The following FGD6 variants were observed in gnomAD, a reference collection of about 807,000 sequenced individuals.
FGD6 encodes FYVE, RhoGEF and PH domain containing 6, also known as FYVE, RhoGEF and PH domain-containing protein 6.
A neutral mutation model predicts 149.4 loss-of-function variants in FGD6; 90 were observed. That is an observed-to-expected ratio of 0.60 (90% CI 0.51 to 0.72). FGD6 has a LOEUF of 0.72. Ranked by LOEUF, FGD6 falls within the 30% of genes least tolerant of loss-of-function variation. FGD6 has a pLI of 0.00. For missense variants in FGD6, 1,437 were observed against 1,684.8 expected, an observed-to-expected ratio of 0.85 and a Z score of 2.57; for synonymous variants, 527 against 584.0, an observed-to-expected ratio of 0.90 and a Z score of 1.41.
chr12:95,209,672 T>A lies in FGD6; in HGVS notation c.1612A>T (p.Arg538Ter). 9 of 1,613,448 alleles carry A rather than the reference T, an allele frequency of 5.6e-6. No individual in the cohort carries two copies. The highest frequency in any genetic ancestry group is 5.9e-6 in the Non-Finnish European group (7 of 1,179,910). ...EEKSSEKSLERNHLQHLCAQN... is the reference protein window; with the variant it reads ...EEKSSEKSLE Reference sequence around the variant, plus strand: ...GCACACAAATGCTGAAGGTGATTTCTTTCTAGACTCTTCTCTGAACTTTTT... The same window carrying A: ...GCACACAAATGCTGAAGGTGATTTCATTCTAGACTCTTCTCTGAACTTTTT... The change falls in exon 2 of 21, where the codon AGA becomes TGA. Residue 538 changes from arginine (R) to a stop codon, truncating the protein, a stop_gained. Transcript: ENST00000343958. LOFTEE classifies it high-confidence loss of function.
In FGD6 at chr12:95,153,003, A is replaced by C. The variant is rs1428615996; in HGVS notation, c.2587-10T>G. The C allele has an allele frequency of 1.9e-6, 3 of 1,612,320 alleles. No homozygotes were observed. Among genetic ancestry groups the C allele is most frequent in the Non-Finnish European group, 2.5e-6 (3 of 1,178,706 alleles). On this transcript the variant is annotated splice_polypyrimidine_tract_variant and intron_variant, in intron 3 of 20. Coordinates refer to ENST00000343958, the MANE Select transcript of FGD6 (RefSeq NM_018351.4). ...TTCCATTATCTTCATCCTGTGGATA[A>C]GAGCACATTTAACATGAACTCATAA...
intron 1 of FGD6, among the ~76,000 whole-genome samples, chr12:95,211,801 G>C (rs1290944854): frequency 6.6e-6 from 1 of 152,138 alleles, no homozygotes; most frequent in Non-Finnish European, 1.5e-5. Context: ...GCCTCCCAAA[G>C]TGCTGGGATT....
At chr12:95,082,670 AAAAG>A (rs1453144172) in intron 20 of FGD6, among the ~76,000 whole-genome samples, 3 of 150,986 alleles carry the variant, frequency 2.0e-5, no homozygotes, top group East Asian at 1.9e-4. Flanking sequence ...AAAAAAAAAA[AAAAG>A]AGCTTCTCAA....
At chr12:95,203,600 C>T (rs2056674497) in intron 2 of FGD6, among the ~76,000 whole-genome samples, 1 of 152,192 alleles carries the variant, frequency 6.6e-6, no homozygotes, top group Non-Finnish European at 1.5e-5. Context: ...ATTTCTGTCA[C>T]CTCAATGGGC....
intron 3 of FGD6, among the ~76,000 whole-genome samples, chr12:95,171,163 A>G (rs1350922335): frequency 1.3e-5 from 2 of 152,164 alleles, no homozygotes; most frequent in Non-Finnish European, 2.9e-5. Context: ...AATTGGCCCA[A>G]AGTTGACCAG....
chr12:95,196,812 A>T (rs1321937577), intron 2 of FGD6, among the ~76,000 whole-genome samples: 2 of 149,064 alleles, frequency 1.3e-5, no homozygotes, highest in Non-Finnish European at 3.0e-5. Flanking sequence ...GCTAATTTTT[A>T]AATTTTTTGT....
intron 8 of FGD6, among the ~76,000 whole-genome samples, chr12:95,116,124 C>T (rs1202946748): frequency 6.6e-6 from 1 of 152,174 alleles, no homozygotes; most frequent in Non-Finnish European, 1.5e-5. Flanking sequence ...TTACACTTAG[C>T]CCCATCTGGA....
intron 2 of FGD6, among the ~76,000 whole-genome samples, chr12:95,177,850 T>C (rs772871968): frequency 2.0e-5 from 3 of 152,188 alleles, no homozygotes; most frequent in Non-Finnish European, 4.4e-5. Context: ...AGTTCCCTTA[T>C]AGGACTGCAG....
rs146288583 is a variant in FGD6 at position 95,098,290 on chromosome 12, C to T, written c.3498-3596G>A. Among the ~76,000 whole-genome samples, 14 of 152,254 alleles carry T rather than the reference C, an allele frequency of 9.2e-5. No homozygotes were observed. In the East Asian group the frequency reaches 2.7e-3, roughly 29 times the overall value. Reference sequence around the variant, plus strand: ...CTCCTCTGAAGAACTCCTCTTATACCCTGTGTCCAATCAGTCCCCTCCTTT... The same window carrying T: ...CTCCTCTGAAGAACTCCTCTTATACTCTGTGTCCAATCAGTCCCCTCCTTT... On this transcript the variant is annotated intron_variant, in intron 14 of 20. Transcript: ENST00000343958.
intron 7 of FGD6, among the ~76,000 whole-genome samples, chr12:95,136,474 A>G (rs1362282028): frequency 6.6e-6 from 1 of 152,222 alleles, no homozygotes; most frequent in East Asian, 1.9e-4. Context: ...ACTAAAATAC[A>G]GTACGCAAAT....
At chr12:95,099,825 T>C (rs1592830375) in intron 14 of FGD6, among the ~76,000 whole-genome samples, 1 of 152,258 alleles carries the variant, frequency 6.6e-6, no homozygotes, top group East Asian at 1.9e-4. Flanking sequence ...TTACTATGGG[T>C]GGCCCCTAAC....
At chr12:95,123,523 CAG>C (rs1238401289) in intron 8 of FGD6, among the ~76,000 whole-genome samples, 2 of 152,008 alleles carry the variant, frequency 1.3e-5, no homozygotes, top group Non-Finnish European at 2.9e-5. Context: ...TAGGCATATC[CAG>C]AATGTTCTAA....
Position 95,150,828 on chromosome 12 carries a change from T to C in FGD6, c.2685+1983A>G, listed in dbSNP as rs568592533. On this transcript the variant is annotated intron_variant, in intron 5 of 20. Transcript: ENST00000343958. ...ATTACAAAAGAGAACTGGCTGGGCA[T>C]AGTGGCTCATGCCTGTAATTCCAGA... Among the ~76,000 whole-genome samples the C allele has an allele frequency of 6.1e-4, 92 of 151,976 alleles. 2 individuals carry two copies. Among genetic ancestry groups the C allele is most frequent in the Middle Eastern group, 3.2e-3 (1 of 316 alleles).
chr12:95,216,402 T>A (rs1414006528), intron 1 of FGD6, among the ~76,000 whole-genome samples: 1 of 152,186 alleles, frequency 6.6e-6, no homozygotes, highest in Non-Finnish European at 1.5e-5. Context: ...ACACTCTACT[T>A]AATACATAAG....
At chr12:95,161,142 T>G (rs2136277620) in intron 3 of FGD6, among the ~76,000 whole-genome samples, 1 of 152,068 alleles carries the variant, frequency 6.6e-6, no homozygotes, top group South Asian at 2.1e-4. Context: ...ATTGCATCAC[T>G]GCACTCCAGC....
At chr12:95,153,946 TGAGTGAGAGAGA>T (rs1232049123) in intron 3 of FGD6, among the ~76,000 whole-genome samples, 11 of 137,492 alleles carry the variant, frequency 8.0e-5, no homozygotes, top group Admixed American at 2.1e-4. Flanking sequence ...TGTGTGTGTG[TGAGTGAGAGAGA>T]GAAGAGACAG....
chr12:95,199,693 T>C (rs1881821066), intron 2 of FGD6, among the ~76,000 whole-genome samples: 2 of 151,342 alleles, frequency 1.3e-5, no homozygotes, highest in African/African-American at 2.4e-5. Context: ...CAGCCTCTGT[T>C]TCCCATGTTC....
At chr12:95,087,032 G>A (rs535140660) in intron 18 of FGD6, among the ~76,000 whole-genome samples, 21 of 150,988 alleles carry the variant, frequency 1.4e-4, no homozygotes, top group South Asian at 6.3e-4. Context: ...ATTTTTAGTC[G>A]AGACAGGGTT....
intron 8 of FGD6, among the ~76,000 whole-genome samples, chr12:95,125,131 T>C (rs1210034681): frequency 6.6e-6 from 1 of 152,176 alleles, no homozygotes; most frequent in Non-Finnish European, 1.5e-5. Context: ...GAAGGGCTCA[T>C]AGGCTATATC....
Sources: allele counts gnomAD v4.1 joint callset (sites outside exome capture counted in the v4.1 genomes callset), GRCh38; gene constraint gnomAD v4.1.1; transcripts MANE v1.5; gene names NCBI Gene and HGNC (gene_info 2026-07-23, HGNC 2026-07-21).